ZBTB46: variants seen among roughly 807,000 people sequenced by gnomAD.
The protein encoded by ZBTB46 is zinc finger and BTB domain-containing protein 46.
A neutral mutation model predicts 44.1 loss-of-function variants in ZBTB46; 8 were observed. That is an observed-to-expected ratio of 0.18 (90% CI 0.11 to 0.33). The LOEUF (loss-of-function observed/expected upper bound fraction) is 0.33. ZBTB46 is among the 10% of genes least tolerant of loss of function. The pLI, the probability that ZBTB46 is intolerant of heterozygous loss-of-function variation, is 1.00. For missense variants in ZBTB46, 651 were observed against 847.7 expected, an observed-to-expected ratio of 0.77 and a Z score of 2.88; for synonymous variants, 409 against 382.3, an observed-to-expected ratio of 1.07 and a Z score of -0.81.
At chr20:63,828,980 T>A (rs2092833926) in intron 1 of ZBTB46, among the ~76,000 whole-genome samples, 1 of 152,212 alleles carries the variant, frequency 6.6e-6, no homozygotes, top group Non-Finnish European at 1.5e-5. Flanking sequence ...AAACCCCACG[T>A]CAGGGCAGTG....
In ZBTB46 at chr20:63,770,999, GGCC is replaced by G. The variant is rs2092365303; in HGVS notation, c.1222+4676_1222+4678del. 4.0e-5 allele frequency among the ~76,000 whole-genome samples: 2 copies of G among 49,740 alleles called. 1 individual carries two copies. Among genetic ancestry groups the G allele is most frequent in the Admixed American group, 5.1e-4 (2 of 3,896 alleles). The allele number at this position is 49,740 out of a possible 152,430, so 32.6% of individuals were successfully genotyped here. On this transcript the variant is annotated intron_variant, in intron 3 of 4. Coordinates refer to ENST00000245663, the MANE Select transcript of ZBTB46 (RefSeq NM_001369741.1). ...GCCACGCCGCTCGAACCACAGCAGG[GGCC>G]ACGTCAGCAGGAGGTCGCAAGTCAG...
chr20:63,821,165 G>A (rs1008831690), intron 1 of ZBTB46, among the ~76,000 whole-genome samples: 4 of 150,372 alleles, frequency 2.7e-5, no homozygotes, highest in Non-Finnish European at 5.9e-5. Context: ...TATTACAGGC[G>A]TGAGCCACTG....
chr20:63,752,908 C>T lies in ZBTB46; in HGVS notation c.1223-47G>A, dbSNP rs765741943. ...GGCGTCAGCAGGGCTTGGGATGTAC[C>T]GCCCTGCGGCCCACAGACCACGGCT... On this transcript the variant is annotated intron_variant, in intron 3 of 4. Transcript: ENST00000245663. The surrounding 1 kb of genome is among the most constrained non-coding windows in gnomAD (Gnocchi z 5.6). 3 of 1,541,116 alleles carry T rather than the reference C, an allele frequency of 1.9e-6. No homozygotes were observed. The highest frequency in any genetic ancestry group is 1.2e-5 in the South Asian group (1 of 83,212).
At chr20:63,826,391 C>CG in intron 1 of ZBTB46, among the ~76,000 whole-genome samples, 1 of 152,202 alleles carries the variant, frequency 6.6e-6, no homozygotes, top group African/African-American at 2.4e-5. Flanking sequence ...AAGAGGAGCC[C>CG]GGGGGCGACA....
In ZBTB46 at chr20:63,790,121, A is replaced by C. The variant is rs76488490; in HGVS notation, c.637T>G (p.Ser213Ala). The change falls in exon 2 of 5, where the codon TCA (serine) becomes GCA (alanine). Residue 213 changes from serine to alanine, a missense_variant. Ser to Ala is a moderately conservative substitution (Grantham distance 99). Transcript: ENST00000245663. ...ACGTCTCCAGGCCATAGAGGCTGTG[A>C]AGAAACATCATCAGGGCCATCGGCC... ...PKADGPDDVS[S>A]QPLWPGDVGY... 2.5e-6 allele frequency: 4 copies of C among 1,613,894 alleles called. No individual in the cohort carries two copies. The highest frequency in any genetic ancestry group is 3.4e-6 in the Non-Finnish European group (4 of 1,180,028).
intron 4 of ZBTB46, among the ~76,000 whole-genome samples, chr20:63,749,852 G>C (rs1369421044): frequency 3.9e-5 from 6 of 152,230 alleles, no homozygotes; most frequent in Admixed American, 1.3e-4. Context: ...GTGGCACAGG[G>C]ACCATGTGGC....
Position 63,808,311 on chromosome 20 carries a change from A to G in ZBTB46, c.-33-17521T>C, listed in dbSNP as rs1405697757. On this transcript the variant is annotated intron_variant, in intron 1 of 4. Transcript: ENST00000245663. ...TCCCCTGTACCCTGTAGGCCAGTCA[A>G]GCCATCCTTCCCAGCCCTTGCCCCG... Among the ~76,000 whole-genome samples, 3 of 152,340 alleles carry G rather than the reference A, an allele frequency of 2.0e-5. No individual in the cohort carries two copies. In the East Asian group the frequency reaches 5.8e-4, roughly 29 times the overall value.
chr20:63,768,874 GCCA>G (rs1446274505), intron 3 of ZBTB46, among the ~76,000 whole-genome samples: 1 of 152,134 alleles, frequency 6.6e-6, no homozygotes, highest in Non-Finnish European at 1.5e-5. Flanking sequence ...GAAGGGACCG[GCCA>G]CCACCACTGA....
rs533736806 is a variant in ZBTB46 at position 63,759,617 on chromosome 20, T to C, written c.1223-6756A>G. Among the ~76,000 whole-genome samples, 324 of 152,042 alleles carry C rather than the reference T, an allele frequency of 2.1e-3. 3 individuals carry two copies. Among genetic ancestry groups the C allele is most frequent in the Admixed American group, 1.2e-3 (19 of 15,266 alleles). On this transcript the variant is annotated intron_variant, in intron 3 of 4. Coordinates refer to ENST00000245663, the MANE Select transcript of ZBTB46 (RefSeq NM_001369741.1). ...GGAGGTTCCTGACATGACACAAACA[T>C]TAGGAAGGCAAGAGCTCTCAGGGGC...
At chr20:63,800,744 G>C (rs184609237) in intron 1 of ZBTB46, among the ~76,000 whole-genome samples, 3 of 152,252 alleles carry the variant, frequency 2.0e-5, no homozygotes, top group Non-Finnish European at 4.4e-5. Flanking sequence ...CGCTGTGCTT[G>C]ATTTCTCGCC....
intron 3 of ZBTB46, among the ~76,000 whole-genome samples, chr20:63,774,789 T>C (rs74179822): frequency 3.4e-5 from 5 of 148,320 alleles, no homozygotes; most frequent in South Asian, 2.2e-4. Context: ...CTGCAAGCTC[T>C]GCCTGCCGGG....
Position 63,789,906 on chromosome 20 carries a change from C to T in ZBTB46, c.852G>A (p.Gln284=), listed in dbSNP as rs149337172. ...KNKETVRHIT[Q]QVEDDSRASS... ...TGGCCCGGCTGTCATCTTCCACCTG[C>T]TGTGTGATGTGCCGGACGGTCTCTT... Residue 284 remains glutamine (Q), a synonymous_variant, in exon 2 of 5, where the codon CAG becomes CAA. Transcript: ENST00000245663. 1.9e-6 allele frequency: 3 copies of T among 1,613,930 alleles called. No homozygotes were observed. Among genetic ancestry groups the T allele is most frequent in the Non-Finnish European group, 1.7e-6 (2 of 1,180,040 alleles).
At chr20:63,818,798 C>A (rs995286656) in intron 1 of ZBTB46, among the ~76,000 whole-genome samples, 1 of 145,170 alleles carries the variant, frequency 6.9e-6, no homozygotes, top group Admixed American at 7.0e-5. Flanking sequence ...GCAGAGGTTG[C>A]AAGGCAGAGG....
chr20:63,814,887 G>A (rs992542969), intron 1 of ZBTB46: 1 of 152,326 alleles, frequency 6.6e-6, no homozygotes, highest in Non-Finnish European at 1.5e-5. Flanking sequence ...CATTTTCCAG[G>A]GATCTTACTG....
At chr20:63,775,210 G>A (rs531085079) in intron 3 of ZBTB46, 40 of 158,492 alleles carry the variant, frequency 2.5e-4, no homozygotes, top group Non-Finnish European at 4.8e-4. Context: ...GCATCATCCA[G>A]CGAAGGCAAC....
chr20:63,822,784 CA>C (rs2092799487), intron 1 of ZBTB46, among the ~76,000 whole-genome samples: 5 of 152,104 alleles, frequency 3.3e-5, no homozygotes, highest in Non-Finnish European at 5.9e-5. Flanking sequence ...GAGGCTGAGG[CA>C]GGATGAATGC....
intron 2 of ZBTB46, among the ~76,000 whole-genome samples, chr20:63,778,472 A>AG (rs900945883): frequency 2.5e-4 from 38 of 152,310 alleles, no homozygotes; most frequent in African/African-American, 8.4e-4. Flanking sequence ...GGCATGGGGC[A>AG]GGGGGCACTT....
chr20:63,759,301 A>T (rs1208628000), intron 3 of ZBTB46, among the ~76,000 whole-genome samples: 1 of 152,204 alleles, frequency 6.6e-6, no homozygotes, highest in East Asian at 1.9e-4. Flanking sequence ...TTAAAAATCT[A>T]AGTTTCTAGA....
At chr20:63,800,894 C>T (rs2092639169) in intron 1 of ZBTB46, among the ~76,000 whole-genome samples, 1 of 152,258 alleles carries the variant, frequency 6.6e-6, no homozygotes, top group Admixed American at 6.5e-5. Context: ...GTCCCATCAA[C>T]TGCCCAAGGG....
Sources: allele counts gnomAD v4.1 joint callset (sites outside exome capture counted in the v4.1 genomes callset), GRCh38; gene constraint gnomAD v4.1.1; non-coding constraint Gnocchi (gnomAD v3.1); transcripts MANE v1.5; gene names NCBI Gene and HGNC (gene_info 2026-07-23, HGNC 2026-07-21).